GRXCR1: variants seen among roughly 807,000 people sequenced by gnomAD.
GRXCR1 encodes the protein glutaredoxin domain-containing cysteine-rich protein 1.
A neutral mutation model predicts 27.3 loss-of-function variants in GRXCR1; 27 were observed. That is an observed-to-expected ratio of 0.99 (90% confidence interval 0.73 to 1.37). The LOEUF (loss-of-function observed/expected upper bound fraction) is 1.37, where lower values mean the gene tolerates loss of function less well. Among genes scored for constraint, GRXCR1 ranks in the 40% most tolerant of loss-of-function variants. The probability of loss-of-function intolerance (pLI) is 0.00; values close to 1 mark genes in which losing one functional copy is unlikely to be tolerated. For synonymous variants in GRXCR1, 122 were observed against 131.1 expected (o/e 0.93, Z 0.47); for missense variants, 379 against 354.4 (o/e 1.07, Z -0.56).
chr4:43,010,634 A>T (rs766708161), intron 2 of GRXCR1, among the ~76,000 whole-genome samples: 5 of 152,110 alleles, frequency 3.3e-5, no homozygotes, highest in Non-Finnish European at 5.9e-5. Context: ...ATTCTCTCTT[A>T]ATTATTAATA....
chr4:42,897,901 A>T (rs1384549515), intron 1 of GRXCR1, among the ~76,000 whole-genome samples: 2 of 150,682 alleles, frequency 1.3e-5, no homozygotes, highest in African/African-American at 4.9e-5. Flanking sequence ...AAGTTTATAA[A>T]GTGAACAGAA....
intron 2 of GRXCR1, among the ~76,000 whole-genome samples, chr4:43,017,432 G>A (rs1194127853): frequency 6.6e-6 from 1 of 152,134 alleles, no homozygotes; most frequent in Non-Finnish European, 1.5e-5. Flanking sequence ...AAGACTCTGG[G>A]CATGCTCTTT....
intron 1 of GRXCR1, among the ~76,000 whole-genome samples, chr4:42,895,935 T>G (rs929311066): frequency 6.6e-5 from 10 of 152,116 alleles, no homozygotes; most frequent in Non-Finnish European, 2.9e-5. Flanking sequence ...TGGATGTAAT[T>G]TAGTAATCTC....
chr4:42,912,487 A>G (rs1282509782), intron 1 of GRXCR1, among the ~76,000 whole-genome samples: 1 of 152,200 alleles, frequency 6.6e-6, no homozygotes, highest in Non-Finnish European at 1.5e-5. Flanking sequence ...TGCTCATTGC[A>G]TGTAAACTAG....
chr4:42,903,213 T>C (rs1174364479), intron 1 of GRXCR1, among the ~76,000 whole-genome samples: 1 of 127,114 alleles, frequency 7.9e-6, no homozygotes, highest in Non-Finnish European at 1.7e-5. Context: ...ACTACAAAGA[T>C]AACACAAATC....
chr4:43,002,213 T>C (rs1403795745), intron 2 of GRXCR1, among the ~76,000 whole-genome samples: 11 of 152,396 alleles, frequency 7.2e-5, no homozygotes, highest in Admixed American at 6.5e-4. Flanking sequence ...AGACCCTTTA[T>C]GGGTGTCGGG....
Position 42,928,561 on chromosome 4 carries a change from A to G in GRXCR1, c.385-34331A>G, listed in dbSNP as rs549602036. On this transcript the variant is annotated intron_variant, in intron 1 of 3. Transcript: ENST00000399770. The stretch of plus-strand genomic sequence containing the variant: ...CAGGTGTGGCCACAAAAGGAGATGG[A>G]AGAGAGGCTCAGGAAAACAATGTTT... Among the ~76,000 whole-genome samples the G allele has an allele frequency of 7.9e-5, 12 of 152,094 alleles. No individual in the cohort carries two copies. In the South Asian group the frequency reaches 2.5e-3, roughly 32 times the overall value.
At chr4:42,971,869 G>A (rs1748395179) in intron 2 of GRXCR1, among the ~76,000 whole-genome samples, 1 of 152,100 alleles carries the variant, frequency 6.6e-6, no homozygotes, top group Non-Finnish European at 1.5e-5. Flanking sequence ...TTTTTAAGAT[G>A]GGAAGTTAGT....
At chr4:42,982,636 C>T (rs1159534365) in intron 2 of GRXCR1, among the ~76,000 whole-genome samples, 1 of 127,662 alleles carries the variant, frequency 7.8e-6, no homozygotes, top group Non-Finnish European at 1.7e-5. Flanking sequence ...GCCACACTGA[C>T]TTCCACAATG....
chr4:43,019,130 C>A (rs1236284840), intron 2 of GRXCR1, among the ~76,000 whole-genome samples: 1 of 152,098 alleles, frequency 6.6e-6, no homozygotes, highest in Admixed American at 6.5e-5. Flanking sequence ...CTTTGAGGTC[C>A]AGATCAAATG....
intron 3 of GRXCR1, among the ~76,000 whole-genome samples, chr4:43,028,420 A>G (rs1713324116): frequency 6.6e-6 from 1 of 152,222 alleles, no homozygotes; most frequent in African/African-American, 2.4e-5. Flanking sequence ...CTAGGAACTC[A>G]GATCTATTTA....
intron 1 of GRXCR1, among the ~76,000 whole-genome samples, chr4:42,898,985 C>T (rs1300178650): frequency 6.6e-6 from 1 of 152,080 alleles, no homozygotes; most frequent in Non-Finnish European, 1.5e-5. Flanking sequence ...TGAGTTGGTA[C>T]TACTGATATT....
At chr4:42,953,790 A>C (rs972724098) in intron 1 of GRXCR1, among the ~76,000 whole-genome samples, 6 of 152,120 alleles carry the variant, frequency 3.9e-5, no homozygotes, top group African/African-American at 1.2e-4. Context: ...GATATGTGTC[A>C]ATAACATTTT....
intron 1 of GRXCR1, among the ~76,000 whole-genome samples, chr4:42,941,187 TGTAA>T (rs35430084): frequency 0.17 from 25,700 of 151,912 alleles, 2,216 homozygotes; most frequent in South Asian, 0.21. Flanking sequence ...AATGACTAGC[TGTAA>T]GTGAGGTCCC....
chr4:42,950,840 C>G (rs898658603), intron 1 of GRXCR1, among the ~76,000 whole-genome samples: 8 of 152,028 alleles, frequency 5.3e-5, no homozygotes, highest in African/African-American at 1.9e-4. Flanking sequence ...GAAACAGAAC[C>G]AATATAGTAT....
Position 42,970,667 on chromosome 4 carries a change from G to T in GRXCR1, c.627+7533G>T, listed in dbSNP as rs1231865510. The stretch of plus-strand genomic sequence containing the variant: ...CAGTGGGGCCCTGGGGATGGCCCAT[G>T]AAATTATTTTTTCCTCCTAGGCCTC... On this transcript the variant is annotated intron_variant, in intron 2 of 3. Transcript: ENST00000399770. Among the ~76,000 whole-genome samples the T allele has an allele frequency of 2.6e-5, 4 of 152,260 alleles. No individual in the cohort carries two copies. In the East Asian group the frequency reaches 7.7e-4, roughly 29 times the overall value.
intron 1 of GRXCR1, among the ~76,000 whole-genome samples, chr4:42,897,302 GA>G (rs796736493): frequency 6.6e-5 from 10 of 152,084 alleles, no homozygotes; most frequent in African/African-American, 2.2e-4. Context: ...TTCAGACAGC[GA>G]TTTTTTTCTT....
chr4:42,925,711 G>T (rs1293400921), intron 1 of GRXCR1, among the ~76,000 whole-genome samples: 1 of 151,948 alleles, frequency 6.6e-6, no homozygotes, highest in Non-Finnish European at 1.5e-5. Flanking sequence ...CACCATCTTT[G>T]CAGGGGACTT....
intron 2 of GRXCR1, among the ~76,000 whole-genome samples, chr4:42,970,267 G>A (rs1399236221): frequency 6.6e-6 from 1 of 152,064 alleles, no homozygotes; most frequent in African/African-American, 2.4e-5. Context: ...TATCATTCTG[G>A]GGTCTGGAGA....
Sources: gnomAD v4.1 joint callset for allele counts (sites outside exome capture counted in the v4.1 genomes callset) on GRCh38, gnomAD v4.1.1 for gene constraint, MANE v1.5 for transcripts, NCBI Gene and HGNC (gene_info 2026-07-23, HGNC 2026-07-21) for gene names.